The following KCNQ3 variants were observed in gnomAD, a reference collection of about 807,000 sequenced individuals.
The protein encoded by KCNQ3 is potassium voltage-gated channel subfamily KQT member 3.
KCNQ3 carries 30 observed loss-of-function variants against 92.5 expected under a neutral mutation model. That is an observed-to-expected ratio of 0.32 (90% CI 0.24 to 0.44). KCNQ3 has a LOEUF of 0.44. Among genes scored for constraint, KCNQ3 ranks in the 20% least tolerant of loss-of-function variants. KCNQ3 has a pLI of 1.00. For synonymous variants in KCNQ3, 450 were observed against 468.8 expected, an observed-to-expected ratio of 0.96 and a Z score of 0.52; for missense variants, 913 against 1,140.3, an observed-to-expected ratio of 0.80 and a Z score of 2.87.
chr8:132,140,089 T>C lies in KCNQ3; in HGVS notation c.1555A>G (p.Ile519Val). The C allele has an allele frequency of 6.3e-7, 1 of 1,599,394 alleles. No homozygotes were observed. Among genetic ancestry groups the C allele is most frequent in the Non-Finnish European group, 8.5e-7 (1 of 1,172,926 alleles). Reference sequence around the variant, plus strand: ...TGGGGGCATTACCTGACGGCTCGGATGGCGGCCTTCAGGGTGGGGATCATG... The same window carrying C: ...TGGGGGCATTACCTGACGGCTCGGACGGCGGCCTTCAGGGTGGGGATCATG... ...EDMIPTLKAA[I>V]RAVRILQFRL... Residue 519 changes from isoleucine (I) to valine (V), a missense_variant, in exon 11 of 15, where the codon ATC becomes GTC. Transcript: ENST00000388996.
chr8:132,255,113 C>T (rs1264519629), intron 1 of KCNQ3, among the ~76,000 whole-genome samples: 1 of 151,622 alleles, frequency 6.6e-6, no homozygotes, highest in African/African-American at 2.4e-5. Flanking sequence ...AATGCCCCCT[C>T]CCCCCCACCT....
In KCNQ3 at chr8:132,403,016, C is replaced by CAAAAAAAAAAAAAAAAAAAAAAAAAA. The variant is rs375099145; in HGVS notation, c.386+77130_386+77131insTTTTTTTTTTTTTTTTTTTTTTTTTT. On this transcript the variant is annotated intron_variant, in intron 1 of 14. Coordinates refer to ENST00000388996, the MANE Select transcript of KCNQ3 (RefSeq NM_004519.4). ...CTGGCAACAGGGCGAGGCACCATCACAAAAAAAAAAAAAAAAGTGTCAATA... is the reference window on the plus strand; with the variant it reads ...CTGGCAACAGGGCGAGGCACCATCACAAAAAAAAAAAAAAAAAAAAAAAAAAAAAAAAAAAAAAAAAAGTGTCAATA... 9.8e-4 allele frequency among the ~76,000 whole-genome samples: 66 copies of CAAAAAAAAAAAAAAAAAAAAAAAAAA among 67,618 alleles called. 6 individuals are homozygous for CAAAAAAAAAAAAAAAAAAAAAAAAAA. Among genetic ancestry groups the CAAAAAAAAAAAAAAAAAAAAAAAAAA allele is most frequent in the African/African-American group, 1.5e-3 (17 of 11,696 alleles). 44.4% of individuals were successfully genotyped at this position (67,618 alleles called of 152,430 possible).
chr8:132,221,823 C>T (rs1421290474), intron 1 of KCNQ3, among the ~76,000 whole-genome samples: 2 of 152,108 alleles, frequency 1.3e-5, no homozygotes, highest in East Asian at 3.8e-4. Flanking sequence ...GGAAAGGATC[C>T]CCTATTTAAT....
At chr8:132,474,463 C>T (rs1024580701) in intron 1 of KCNQ3, among the ~76,000 whole-genome samples, 1 of 152,134 alleles carries the variant, frequency 6.6e-6, no homozygotes, top group Non-Finnish European at 1.5e-5. Context: ...AGTGATCACC[C>T]TCACTCAAGT....
intron 1 of KCNQ3, among the ~76,000 whole-genome samples, chr8:132,351,237 A>T (rs1586949064): frequency 1.3e-5 from 2 of 152,294 alleles, no homozygotes; most frequent in Admixed American, 1.3e-4. Flanking sequence ...GGAAAGTGAG[A>T]CTCACAGACA....
At chr8:132,399,923 T>G (rs1435649262) in intron 1 of KCNQ3, among the ~76,000 whole-genome samples, 1 of 152,216 alleles carries the variant, frequency 6.6e-6, no homozygotes, top group African/African-American at 2.4e-5. Context: ...TACTCAGCTC[T>G]GTGAATGAGC....
At chr8:132,470,182 C>T (rs954164519) in intron 1 of KCNQ3, among the ~76,000 whole-genome samples, 5 of 152,156 alleles carry the variant, frequency 3.3e-5, no homozygotes, top group African/African-American at 1.2e-4. Flanking sequence ...CCAAGAAAAC[C>T]CATTCAGCTC....
intron 1 of KCNQ3, among the ~76,000 whole-genome samples, chr8:132,192,955 T>C (rs996807608): frequency 7.2e-5 from 11 of 152,176 alleles, no homozygotes; most frequent in African/African-American, 2.7e-4. Flanking sequence ...TCTTTCTCTA[T>C]AGTCTTGACT....
rs1362243596 is a variant in KCNQ3 at position 132,128,527 on chromosome 8, G to C, written c.*735C>G. On this transcript the variant is annotated 3_prime_UTR_variant, in exon 15 of 15. Transcript: ENST00000388996. ...TGTGTATGTGTGTGTGTGTGTGTGT[G>C]TGTGTGTGTGTGTGTGTGTTTTCTC... 2 of 152,518 alleles carry C rather than the reference G, an allele frequency of 1.3e-5. No individual in the cohort carries two copies. The highest frequency in any genetic ancestry group is 2.9e-5 in the Non-Finnish European group (2 of 68,548). 9.4% of individuals were successfully genotyped at this position (152,518 alleles called of 1,614,324 possible).
intron 10 of KCNQ3, chr8:132,140,386 CA>C: frequency 1.8e-6 from 1 of 563,890 alleles, no homozygotes; most frequent in Non-Finnish European, 3.2e-6. Context: ...AAGTCCAAGT[CA>C]AAAGTGTGCG....
At chr8:132,170,031 C>T (rs1202062493) in intron 8 of KCNQ3, among the ~76,000 whole-genome samples, 1 of 151,980 alleles carries the variant, frequency 6.6e-6, no homozygotes, top group Non-Finnish European at 1.5e-5. Context: ...CACCACCACG[C>T]CCGGCTAATT....
At chr8:132,276,051 C>G (rs1816318758) in intron 1 of KCNQ3, among the ~76,000 whole-genome samples, 1 of 152,210 alleles carries the variant, frequency 6.6e-6, no homozygotes, top group African/African-American at 2.4e-5. Flanking sequence ...GGTCTTTGCA[C>G]CTCATCTGAT....
chr8:132,343,789 G>A (rs912237964), intron 1 of KCNQ3, among the ~76,000 whole-genome samples: 1 of 152,012 alleles, frequency 6.6e-6, no homozygotes, highest in Admixed American at 6.5e-5. Context: ...TTTGCTTGTG[G>A]CTCTTCCAGT....
At chr8:132,239,114 A>C (rs1179057271) in intron 1 of KCNQ3, among the ~76,000 whole-genome samples, 1 of 152,130 alleles carries the variant, frequency 6.6e-6, no homozygotes, top group Admixed American at 6.5e-5. Flanking sequence ...TAATTCATAC[A>C]ATTTGTAGGA....
chr8:132,401,594 T>G (rs1046427636), intron 1 of KCNQ3, among the ~76,000 whole-genome samples: 3 of 152,198 alleles, frequency 2.0e-5, no homozygotes, highest in African/African-American at 7.2e-5. Flanking sequence ...CAGGATGGTC[T>G]TGATTTCCTG....
intron 1 of KCNQ3, among the ~76,000 whole-genome samples, chr8:132,231,320 T>C (rs574813527): frequency 7.9e-5 from 12 of 152,214 alleles, no homozygotes; most frequent in Non-Finnish European, 1.6e-4. Flanking sequence ...TACACTCATA[T>C]AGGTGGGTTT....
At chr8:132,393,851 C>A (rs1820114783) in intron 1 of KCNQ3, among the ~76,000 whole-genome samples, 1 of 152,184 alleles carries the variant, frequency 6.6e-6, no homozygotes, top group Non-Finnish European at 1.5e-5. Flanking sequence ...CATGTACCCT[C>A]CCAGTCTTGT....
intron 1 of KCNQ3, among the ~76,000 whole-genome samples, chr8:132,448,436 C>G (rs1238661772): frequency 5.8e-5 from 8 of 138,724 alleles, no homozygotes; most frequent in African/African-American, 1.9e-4. Context: ...GTCATGTAGG[C>G]GTAGGTCTCT....
intron 1 of KCNQ3, among the ~76,000 whole-genome samples, chr8:132,319,981 C>A (rs1306919080): frequency 6.6e-6 from 1 of 152,216 alleles, no homozygotes. Context: ...ACTTAGCTCC[C>A]TTCTTGAACT....
Sources: allele counts gnomAD v4.1 joint callset (sites outside exome capture counted in the v4.1 genomes callset), GRCh38; gene constraint gnomAD v4.1.1; transcripts MANE v1.5; gene names NCBI Gene and HGNC (gene_info 2026-07-23, HGNC 2026-07-21).